Variants in WWOX observed in about 807,000 individuals in gnomAD.
WWOX encodes WW domain containing oxidoreductase.
Under a neutral mutation model 46.2 loss-of-function variants are expected in WWOX, and 69 were observed. The observed-to-expected ratio is 1.49, with a 90% confidence interval of 1.23 to 1.82. The LOEUF (loss-of-function observed/expected upper bound fraction) is 1.82. Among genes scored for constraint, WWOX ranks in the 40% most tolerant of loss-of-function variants. The pLI is 0.00. For missense variants in WWOX, 919 were observed against 542.6 expected, an observed-to-expected ratio of 1.69 and a Z score of -6.89; for synonymous variants, 359 against 202.6, an observed-to-expected ratio of 1.77 and a Z score of -6.56.
At chr16:78,240,706 C>T (rs1489098271) in intron 5 of WWOX, among the ~76,000 whole-genome samples, 5 of 152,134 alleles carry the variant, frequency 3.3e-5, no homozygotes, top group Non-Finnish European at 2.9e-5. Flanking sequence ...GCAGCCGTCT[C>T]GTGTTATGCA....
chr16:78,627,958 C>G (rs1395949552), intron 8 of WWOX, among the ~76,000 whole-genome samples: 1 of 152,206 alleles, frequency 6.6e-6, no homozygotes, highest in Admixed American at 6.5e-5. Context: ...CTGTTGAGAG[C>G]TCTGTTGACA....
chr16:78,337,548 T>G (rs1466489840), intron 5 of WWOX, among the ~76,000 whole-genome samples: 1 of 152,198 alleles, frequency 6.6e-6, no homozygotes, highest in East Asian at 1.9e-4. Context: ...ATAGGTTTGT[T>G]CAATGCATAA....
intron 8 of WWOX, among the ~76,000 whole-genome samples, chr16:79,025,135 T>C (rs994047674): frequency 1.3e-5 from 2 of 152,104 alleles, no homozygotes; most frequent in East Asian, 1.9e-4. Flanking sequence ...TTTTGTTTTG[T>C]TTTGTTTTGC....
At chr16:78,608,614 G>C (rs184587114) in intron 8 of WWOX, among the ~76,000 whole-genome samples, 1 of 152,194 alleles carries the variant, frequency 6.6e-6, no homozygotes, top group Non-Finnish European at 1.5e-5. Flanking sequence ...TACTGTGGAA[G>C]GGTCAAGTGC....
chr16:78,961,992 T>G (rs1244171082), intron 8 of WWOX, among the ~76,000 whole-genome samples: 1 of 152,122 alleles, frequency 6.6e-6, no homozygotes, highest in Non-Finnish European at 1.5e-5. Context: ...ACAGATCCCT[T>G]GTCTCTTGTC....
chr16:78,876,171 G>A (rs576345275), intron 8 of WWOX, among the ~76,000 whole-genome samples: 39 of 150,622 alleles, frequency 2.6e-4, no homozygotes, highest in African/African-American at 9.2e-4. Context: ...TTTGCTTTAC[G>A]TTTTAACAAC....
intron 8 of WWOX, among the ~76,000 whole-genome samples, chr16:79,131,288 C>T (rs187933316): frequency 2.0e-5 from 3 of 152,218 alleles, no homozygotes; most frequent in East Asian, 3.9e-4. Context: ...GCTGTACTCC[C>T]AAGAGGCATG....
At chr16:78,785,199 CT>C (rs1435733610) in intron 8 of WWOX, among the ~76,000 whole-genome samples, 3 of 152,218 alleles carry the variant, frequency 2.0e-5, no homozygotes, top group South Asian at 4.1e-4. Flanking sequence ...GATGAAGTGT[CT>C]TTTGCTAGCA....
At chr16:78,668,830 G>T (rs1012750348) in intron 8 of WWOX, among the ~76,000 whole-genome samples, 1 of 152,194 alleles carries the variant, frequency 6.6e-6, no homozygotes, top group African/African-American at 2.4e-5. Context: ...TTCAGAGCGT[G>T]TCTGAGTCTT....
chr16:79,008,705 A>T (rs1284657727), intron 8 of WWOX, among the ~76,000 whole-genome samples: 1 of 152,148 alleles, frequency 6.6e-6, no homozygotes, highest in African/African-American at 2.4e-5. Context: ...CACTCCCTCC[A>T]GCACCTGGCC....
At chr16:78,763,719 C>G (rs146676407) in intron 8 of WWOX, among the ~76,000 whole-genome samples, 1 of 152,206 alleles carries the variant, frequency 6.6e-6, no homozygotes, top group East Asian at 1.9e-4. Flanking sequence ...TTGGTATTCA[C>G]GAGTTTTGTC....
rs1461512159 is a variant in WWOX, at chr16:78,220,483, G to A, written c.516+56194G>A. Among the ~76,000 whole-genome samples the A allele has an allele frequency of 4.6e-5, 7 of 151,912 alleles. No individual in the cohort carries two copies. In the East Asian group the frequency reaches 1.4e-3, roughly 29 times the overall value. Reference sequence around the variant, plus strand: ...TTTCTGACTATATTTTTAATTTCTCGACAGTCTCCCATGGTTATTTTCTGA... The same window carrying A: ...TTTCTGACTATATTTTTAATTTCTCAACAGTCTCCCATGGTTATTTTCTGA... On this transcript the variant is annotated intron_variant, in intron 5 of 8. Transcript: ENST00000566780.
chr16:79,021,548 G>C (rs570595974), intron 8 of WWOX, among the ~76,000 whole-genome samples: 1 of 152,170 alleles, frequency 6.6e-6, no homozygotes, highest in Admixed American at 6.5e-5. Context: ...GCTCATGGTC[G>C]GTCCATTAAC....
chr16:78,284,838 G>C (rs897264260), intron 5 of WWOX, among the ~76,000 whole-genome samples: 4 of 152,292 alleles, frequency 2.6e-5, no homozygotes, highest in East Asian at 1.9e-4. Context: ...TCTGTTTCAA[G>C]AGTCATACGA....
At chr16:79,159,602 T>C (rs1383128355) in intron 8 of WWOX, among the ~76,000 whole-genome samples, 2 of 152,178 alleles carry the variant, frequency 1.3e-5, no homozygotes, top group Non-Finnish European at 2.9e-5. Flanking sequence ...AGGCTCAGGG[T>C]AGCTGATGAG....
intron 8 of WWOX, among the ~76,000 whole-genome samples, chr16:78,573,721 G>A (rs539461279): frequency 6.6e-5 from 10 of 152,294 alleles, no homozygotes; most frequent in Admixed American, 2.6e-4. Context: ...ATAATCCAAA[G>A]CTTTCATCAG....
At chr16:78,341,028 C>T (rs1241603659) in intron 5 of WWOX, among the ~76,000 whole-genome samples, 1 of 119,418 alleles carries the variant, frequency 8.4e-6, no homozygotes, top group Non-Finnish European at 2.0e-5. Context: ...TCAGAAGTAC[C>T]AGGTTCCACA....
chr16:78,264,529 A>G (rs1324990797), intron 5 of WWOX: 1 of 152,194 alleles, frequency 6.6e-6, no homozygotes, highest in Non-Finnish European at 1.5e-5. Context: ...TTTGGAATGG[A>G]TACAGTGCTA....
rs1455000773 is a variant in WWOX at position 79,212,078 on chromosome 16, A to T, written c.*282A>T. 9 of 1,536,308 alleles carry T rather than the reference A, an allele frequency of 5.9e-6. No homozygotes were observed. Among genetic ancestry groups the T allele is most frequent in the Admixed American group, 3.9e-5 (2 of 50,966 alleles). ...AACCTGCTTGGTGTGTAGGTTCCGT[A>T]TCTCCCTGGAGAAGCACCAGCAATT... On this transcript the variant is annotated 3_prime_UTR_variant, in exon 9 of 9. Coordinates refer to ENST00000566780, the MANE Select transcript of WWOX (RefSeq NM_016373.4).
Sources: allele counts gnomAD v4.1 joint callset (sites outside exome capture counted in the v4.1 genomes callset), GRCh38; gene constraint gnomAD v4.1.1; transcripts MANE v1.5; gene names NCBI Gene and HGNC (gene_info 2026-07-23, HGNC 2026-07-21).